Variants in ZFHX3 observed in about 807,000 individuals in gnomAD.
ZFHX3 encodes zinc finger homeobox 3, also known as zinc finger homeobox protein 3.
ZFHX3 carries 42 observed loss-of-function variants against 279.1 expected under a neutral mutation model. That is an observed-to-expected ratio of 0.15 (90% CI 0.12 to 0.19). The LOEUF (loss-of-function observed/expected upper bound fraction) is 0.19. Ranked by LOEUF, ZFHX3 falls within the 10% of genes least tolerant of loss-of-function variation. ZFHX3 has a pLI of 1.00. For missense variants in ZFHX3, 4,981 were observed against 4,754.0 expected (o/e 1.05, Z -1.40); for synonymous variants, 2,293 against 1,957.8 (o/e 1.17, Z -4.52).
chr16:73,563,339 A>ATTCTCCTGCCTCCACG lies in ZFHX3; in HGVS notation c.-1546-107082_-1546-107081insCGTGGAGGCAGGAGAA, dbSNP rs1567519868. On this transcript the variant is annotated intron_variant, in intron 2 of 17. Coordinates refer to the ZFHX3 transcript ENST00000641206. ...TGCAAGCTCTGCCTCCTGGGTTCACACCATTCTCCTGCCTCCACGCCATTC... is the reference window on the plus strand; with the variant it reads ...TGCAAGCTCTGCCTCCTGGGTTCACATTCTCCTGCCTCCACGCCATTCTCCTGCCTCCACGCCATTC... Among the ~76,000 whole-genome samples, 5 of 150,942 alleles carry ATTCTCCTGCCTCCACG rather than the reference A, an allele frequency of 3.3e-5. No individual in the cohort carries two copies. The South Asian group carries it at 8.4e-4, about 25-fold the overall frequency.
At chr16:73,842,954 C>T (rs986450865) in intron 1 of ZFHX3, among the ~76,000 whole-genome samples, 18 of 152,224 alleles carry the variant, frequency 1.2e-4, no homozygotes, top group Middle Eastern at 3.2e-3. Context: ...GGAACCCCCA[C>T]TTTACGATTT....
intron 1 of ZFHX3, among the ~76,000 whole-genome samples, chr16:73,774,289 C>T (rs973207647): frequency 6.6e-6 from 1 of 152,144 alleles, no homozygotes; most frequent in Non-Finnish European, 1.5e-5. Context: ...CATGGCCTAG[C>T]ATGGTGCTTG....
chr16:73,674,022 C>CA (rs1337164922), intron 2 of ZFHX3, among the ~76,000 whole-genome samples: 1 of 152,162 alleles, frequency 6.6e-6, no homozygotes, highest in Admixed American at 6.6e-5. Context: ...CTCCCAAACT[C>CA]AGAGACAGAT....
intron 1 of ZFHX3, among the ~76,000 whole-genome samples, chr16:73,746,190 T>C (rs1287906623): frequency 1.3e-5 from 2 of 152,090 alleles, no homozygotes; most frequent in Non-Finnish European, 2.9e-5. Flanking sequence ...CCGCTGTTGC[T>C]CCACAGTCTA....
intron 3 of ZFHX3, among the ~76,000 whole-genome samples, chr16:72,941,862 G>A (rs762395164): frequency 1.3e-5 from 2 of 151,936 alleles, no homozygotes; most frequent in Non-Finnish European, 2.9e-5. Context: ...TCTACATCCC[G>A]GCTGCTGTAA....
intron 1 of ZFHX3, among the ~76,000 whole-genome samples, chr16:73,866,363 G>C (rs1173160911): frequency 1.3e-5 from 2 of 151,652 alleles, no homozygotes; most frequent in Non-Finnish European, 1.5e-5. Flanking sequence ...ATTTTTAGTG[G>C]AGATGGGGTT....
intron 3 of ZFHX3, among the ~76,000 whole-genome samples, chr16:73,367,574 T>C (rs1179066869): frequency 6.6e-6 from 1 of 152,042 alleles, no homozygotes; most frequent in African/African-American, 2.4e-5. Context: ...ATGCTTGGTT[T>C]CTCCCTTTCC....
chr16:73,888,468 A>G (rs533747509), intron 1 of ZFHX3, among the ~76,000 whole-genome samples: 17 of 152,332 alleles, frequency 1.1e-4, no homozygotes, highest in South Asian at 6.2e-4. Context: ...GTGGCAACAC[A>G]TTTCTTCTAG....
intron 3 of ZFHX3, among the ~76,000 whole-genome samples, chr16:73,336,224 T>C (rs1391170084): frequency 6.6e-6 from 1 of 152,216 alleles, no homozygotes; most frequent in African/African-American, 2.4e-5. Flanking sequence ...AATTATCTCA[T>C]TGAATCTTCT....
At chr16:72,926,975 A>G (rs886341489) in intron 3 of ZFHX3, among the ~76,000 whole-genome samples, 2 of 152,246 alleles carry the variant, frequency 1.3e-5, no homozygotes, top group African/African-American at 4.8e-5. Flanking sequence ...GTCAGGAGAC[A>G]GAGAACAGGG....
At chr16:73,105,922 T>C (rs780050988) in intron 7 of ZFHX3, among the ~76,000 whole-genome samples, 2 of 113,858 alleles carry the variant, frequency 1.8e-5, no homozygotes, top group Non-Finnish European at 4.4e-5. Flanking sequence ...TCCCTATATG[T>C]ACACGGACCC....
intron 1 of ZFHX3, among the ~76,000 whole-genome samples, chr16:72,967,133 G>T (rs1454672144): frequency 6.6e-6 from 1 of 151,868 alleles, no homozygotes; most frequent in Non-Finnish European, 1.5e-5. Flanking sequence ...GGGGGAAATA[G>T]GAAAAAAGAG....
At chr16:73,478,364 T>G (rs569187252) in intron 2 of ZFHX3, among the ~76,000 whole-genome samples, 1 of 151,996 alleles carries the variant, frequency 6.6e-6, no homozygotes, top group African/African-American at 2.4e-5. Context: ...AAAAGTCTGA[T>G]GCTCTACCAA....
chr16:73,548,869 T>C (rs941503345), intron 2 of ZFHX3, among the ~76,000 whole-genome samples: 2 of 152,178 alleles, frequency 1.3e-5, no homozygotes, highest in Admixed American at 6.5e-5. Flanking sequence ...ATAAAAAATA[T>C]GAAACTATTT....
rs146819409 is a variant in ZFHX3 at position 73,436,356 on chromosome 16, T to C, written c.-1291+19647A>G. 8.8e-4 allele frequency among the ~76,000 whole-genome samples: 134 copies of C among 152,262 alleles called. 1 individual carries two copies. Among genetic ancestry groups the C allele is most frequent in the South Asian group, 6.8e-3 (33 of 4,826 alleles). On this transcript the variant is annotated intron_variant, in intron 3 of 17. Transcript: ENST00000641206. The stretch of plus-strand genomic sequence containing the variant: ...GAGGTTTAAGGGACTCAGAGTTCCA[T>C]GTGGCTGGGGAGGCCTCACAATCAT...
chr16:72,843,262 G>C (rs1034340831), intron 4 of ZFHX3, among the ~76,000 whole-genome samples: 2 of 152,100 alleles, frequency 1.3e-5, no homozygotes, highest in African/African-American at 4.8e-5. Flanking sequence ...TGTAATCTCA[G>C]CACTTTGGGA....
chr16:72,787,084 CAGTT>C lies in ZFHX3; in HGVS notation c.*76_*79del, dbSNP rs1351480794. On this transcript the variant is annotated 3_prime_UTR_variant, in exon 10 of 10. Coordinates refer to ENST00000268489, the MANE Select transcript of ZFHX3 (RefSeq NM_006885.4). ...TTTTTGGTTAGAAGCTTTGGAATTG[CAGTT>C]AGTCTATTTTTGAAATTGGTTTGTT... The C allele has an allele frequency of 4.1e-5, 43 of 1,042,008 alleles. No individual in the cohort carries two copies. Among genetic ancestry groups the C allele is most frequent in the Non-Finnish European group, 5.0e-5 (41 of 814,342 alleles). The allele number at this position is 1,042,008 out of a possible 1,614,324, so 64.5% of individuals were successfully genotyped here.
intron 5 of ZFHX3, among the ~76,000 whole-genome samples, chr16:73,211,194 A>G (rs916158907): frequency 3.9e-5 from 6 of 152,224 alleles, no homozygotes; most frequent in Non-Finnish European, 7.4e-5. Flanking sequence ...AAGCCCCCCA[A>G]CTTTCTTCAC....
chr16:73,743,289 C>G (rs1238155668), intron 1 of ZFHX3, among the ~76,000 whole-genome samples: 1 of 152,204 alleles, frequency 6.6e-6, no homozygotes, highest in Non-Finnish European at 1.5e-5. Context: ...CATTCTACAG[C>G]ACAGACAGAC....
Sources: gnomAD v4.1 joint callset for allele counts (sites outside exome capture counted in the v4.1 genomes callset) on GRCh38, gnomAD v4.1.1 for gene constraint, MANE v1.5 for transcripts, NCBI Gene and HGNC (gene_info 2026-07-23, HGNC 2026-07-21) for gene names.